Variants in KDM6A observed in about 807,000 individuals in gnomAD.
KDM6A encodes lysine demethylase 6A.
A neutral mutation model predicts 117.6 loss-of-function variants in KDM6A; 11 were observed. The observed-to-expected ratio is 0.09, with a 90% CI of 0.06 to 0.15. KDM6A has a LOEUF of 0.15. Ranked by LOEUF, KDM6A falls within the 10% of genes least tolerant of loss-of-function variation. The pLI is 1.00. For missense variants in KDM6A, 799 were observed against 1,077.3 expected (o/e 0.74, Z 3.62); for synonymous variants, 384 against 396.1 (o/e 0.97, Z 0.36).
At chrX:44,967,089 C>A (rs980594462) in intron 3 of KDM6A, among the ~76,000 whole-genome samples, 2 of 111,075 alleles carry the variant, frequency 1.8e-5, no homozygotes, top group East Asian at 5.7e-4. Context: ...CCAGGATGGT[C>A]TTGATCTCCT....
At chrX:44,883,412 G>C (rs1447463369) in intron 2 of KDM6A, among the ~76,000 whole-genome samples, 1 of 108,092 alleles carries the variant, frequency 9.3e-6, no homozygotes. Context: ...TCGCTCTGTC[G>C]TCCAGGCTGG....
intron 5 of KDM6A, among the ~76,000 whole-genome samples, chrX:45,018,432 T>C (rs2042050630): frequency 8.9e-6 from 1 of 111,748 alleles, no homozygotes; most frequent in Admixed American, 9.5e-5. Flanking sequence ...TAACAGTGTG[T>C]TTTTTTAACC....
intron 14 of KDM6A, 148 bp downstream of exon 14, chrX:45,060,912 T>C (rs992364452): frequency 6.4e-6 from 2 of 313,721 alleles, no homozygotes; most frequent in Non-Finnish European, 1.1e-5. Flanking sequence ...CCCAAACCCT[T>C]AGTATCATAT....
At chrX:45,074,150 G>A (rs2044999292) in intron 18 of KDM6A, among the ~76,000 whole-genome samples, 2 of 111,639 alleles carry the variant, frequency 1.8e-5, no homozygotes, top group Non-Finnish European at 3.8e-5. Context: ...CTCATTTCTT[G>A]TTTTTGTCAG....
At position 45,018,110 on chromosome X, in the gene KDM6A, C is replaced by T. The variant is rs927869659; in HGVS notation, c.444-2500C>T. Among the ~76,000 whole-genome samples, 4 of 111,196 alleles carry T rather than the reference C, an allele frequency of 3.6e-5. No homozygotes were observed. In the East Asian group the frequency reaches 1.1e-3, roughly 31 times the overall value. ...TACTGCTCACCCATCTTAAGTGCAA[C>T]ATGGAGATTTTATTTATAGTATCAT... is the stretch of plus-strand genomic sequence containing the variant. On this transcript the variant is annotated intron_variant, in intron 5 of 29. Transcript: ENST00000611820.
chrX:45,047,664 C>CTTTTTTTTTTTT (rs755668460), intron 8 of KDM6A, among the ~76,000 whole-genome samples: 1 of 27,215 alleles, frequency 3.7e-5, no homozygotes, highest in Non-Finnish European at 8.2e-5. Context: ...TATCTGCTTG[C>CTTTTTTTTTTTT]TTTTTTTTTC....
intron 9 of KDM6A, among the ~76,000 whole-genome samples, chrX:45,052,522 A>G (rs1279728413): frequency 1.8e-5 from 2 of 112,060 alleles, no homozygotes; most frequent in Non-Finnish European, 1.9e-5. Context: ...TAGATAATAT[A>G]CATACAAATT....
intron 1 of KDM6A, 89 bp downstream of exon 1, chrX:44,873,801 G>T (rs2031123850): frequency 8.8e-7 from 1 of 1,137,377 alleles, no homozygotes. Flanking sequence ...CTCTGGCGGC[G>T]GCGGGGCGGG....
intron 2 of KDM6A, among the ~76,000 whole-genome samples, chrX:44,960,150 T>C (rs1395374847): frequency 8.9e-6 from 1 of 111,754 alleles, no homozygotes; most frequent in African/African-American, 3.2e-5. Context: ...CTCAACAAAG[T>C]TCTTGAAATG....
At chrX:45,061,288 A>T (rs1489135932) in intron 14 of KDM6A, 36 bp from the exon 15 acceptor site, 1 of 855,119 alleles carries the variant, frequency 1.2e-6, no homozygotes, top group Non-Finnish European at 1.7e-6. Context: ...TTAACCAAAT[A>T]TTCTTTAATT....
intron 2 of KDM6A, among the ~76,000 whole-genome samples, chrX:44,928,995 A>C (rs947589761): frequency 9.0e-6 from 1 of 111,042 alleles, no homozygotes; most frequent in African/African-American, 3.3e-5. Flanking sequence ...CAGTGGCGCG[A>C]ACTTGGCTCA....
intron 2 of KDM6A, among the ~76,000 whole-genome samples, chrX:44,878,029 T>C (rs894181924): frequency 1.8e-5 from 2 of 111,781 alleles, no homozygotes; most frequent in Admixed American, 9.6e-5. Flanking sequence ...GGATGTTGAT[T>C]AAAAACATTC....
chrX:45,086,702 A>AT (rs1206485332), intron 25 of KDM6A, among the ~76,000 whole-genome samples: 1 of 110,695 alleles, frequency 9.0e-6, no homozygotes, highest in Non-Finnish European at 1.9e-5. Flanking sequence ...GTACTTTGGA[A>AT]TTTTTTTTTA....
intron 27 of KDM6A, 135 bp downstream of exon 27, chrX:45,090,999 T>G: frequency 3.0e-6 from 2 of 655,917 alleles, no homozygotes; most frequent in Non-Finnish European, 4.7e-6. Context: ...ATTATGAGAA[T>G]CCACATGTTA....
intron 4 of KDM6A, among the ~76,000 whole-genome samples, chrX:44,992,221 T>G (rs1350637700): frequency 1.8e-5 from 1 of 56,768 alleles, no homozygotes; most frequent in Non-Finnish European, 2.9e-5. Context: ...TTTTTTTTTT[T>G]TTTTTTTTTT....
At chrX:45,097,959 A>G (rs1185718319) in intron 27 of KDM6A, among the ~76,000 whole-genome samples, 4 of 112,339 alleles carry the variant, frequency 3.6e-5, no homozygotes, top group African/African-American at 1.3e-4. Flanking sequence ...TCATTTGATA[A>G]TGCAGTGAAC....
chrX:45,069,986 T>A lies in KDM6A; in HGVS notation c.2487T>A (p.Asn829Lys), dbSNP rs148434372. Reference protein sequence around the residue: ...SKSPGLLSSDNPQLSALLMGK... With the variant: ...SKSPGLLSSDKPQLSALLMGK... ...CACCAGGTTTACTAAGTTCAGACAA[T>A]CCTCAGCTCTCTGCCTTGTTGATGG... Residue 829 changes from asparagine (N) to lysine (K), a missense_variant, in exon 18 of 30, where the codon AAT (asparagine) becomes AAA (lysine). By Grantham distance (94) the Asn-to-Lys change is moderately conservative. Coordinates refer to ENST00000611820, the MANE Select transcript of KDM6A (RefSeq NM_001291415.2). The A allele has an allele frequency of 2.4e-4, 295 of 1,210,023 alleles. No homozygotes were observed. Among genetic ancestry groups the A allele is most frequent in the Non-Finnish European group, 3.1e-4 (279 of 895,232 alleles).
At chrX:44,894,365 C>A (rs1426094747) in intron 2 of KDM6A, among the ~76,000 whole-genome samples, 1 of 111,198 alleles carries the variant, frequency 9.0e-6, no homozygotes, top group African/African-American at 3.3e-5. Context: ...ATTAGAAAAT[C>A]AATTTTGGTA....
intron 22 of KDM6A, 27 bp from the exon 23 acceptor site, chrX:45,082,688 T>TG: frequency 8.4e-7 from 1 of 1,184,194 alleles, no homozygotes; most frequent in South Asian, 1.8e-5. Context: ...AAAAGGCATG[T>TG]TTCTAATACT....
Sources: allele counts gnomAD v4.1 joint callset (sites outside exome capture counted in the v4.1 genomes callset), GRCh38; gene constraint gnomAD v4.1.1; transcripts MANE v1.5; gene names NCBI Gene and HGNC (gene_info 2026-07-23, HGNC 2026-07-21).